Variants in VPS35L observed in about 807,000 individuals in gnomAD.
VPS35L encodes the protein VPS35 endosomal protein sorting factor like.
A neutral mutation model predicts 133.0 loss-of-function variants in VPS35L; 83 were observed. That is an observed-to-expected ratio of 0.62 (90% CI 0.52 to 0.75). The LOEUF (loss-of-function observed/expected upper bound fraction) is 0.75, where lower values mean the gene tolerates loss of function less well. VPS35L is among the 30% of genes least tolerant of loss of function. The pLI is 0.00. For synonymous variants in VPS35L, 423 were observed against 449.9 expected (o/e 0.94, Z 0.76); for missense variants, 1,083 against 1,206.8 (o/e 0.90, Z 1.52).
At chr16:19,700,339 T>C (rs755890689) in intron 30 of VPS35L, 39 bp from the exon 31 acceptor site, 28 of 1,559,056 alleles carry the variant, frequency 1.8e-5, no homozygotes, top group Non-Finnish European at 2.3e-5. Flanking sequence ...CCAAGGATAA[T>C]GAACCAGAAA....
intron 14 of VPS35L, among the ~76,000 whole-genome samples, chr16:19,622,303 C>T (rs776505973): frequency 1.3e-5 from 2 of 151,888 alleles, no homozygotes; most frequent in South Asian, 2.1e-4. Flanking sequence ...CCACCACGCC[C>T]GGCTAATTTT....
chr16:19,664,716 A>G (rs975199109), intron 26 of VPS35L, among the ~76,000 whole-genome samples: 1 of 152,092 alleles, frequency 6.6e-6, no homozygotes, highest in Non-Finnish European at 1.5e-5. Context: ...CTTGCCCAAC[A>G]TGGTGAAACC....
In VPS35L at chr16:19,570,889, A is replaced by ATTTTTTTTTTTT. The variant is rs1489865417; in HGVS notation, c.285+1303_285+1304insTTTTTTTTTTTT. On this transcript the variant is annotated intron_variant, in intron 3 of 30. Coordinates refer to ENST00000417362, the MANE Select transcript of VPS35L (RefSeq NM_020314.7). ...TATATATATATATATATATATATATATTTTTGAGATGAAGTCTCACACTGT... is the reference window on the plus strand; with the variant it reads ...TATATATATATATATATATATATATATTTTTTTTTTTTTTTTTGAGATGAAGTCTCACACTGT... Among the ~76,000 whole-genome samples, 5 of 91,838 alleles carry ATTTTTTTTTTTT rather than the reference A, an allele frequency of 5.4e-5. 1 individual carries two copies. Among genetic ancestry groups the ATTTTTTTTTTTT allele is most frequent in the African/African-American group, 2.3e-4 (5 of 21,370 alleles). 60.2% of individuals were successfully genotyped at this position (91,838 alleles called of 152,430 possible). A position where few individuals can be genotyped will look rare whatever the true frequency, so the allele number is the denominator to read the frequency against.
chr16:19,567,965 G>A (rs1971239507), intron 2 of VPS35L, among the ~76,000 whole-genome samples: 1 of 136,564 alleles, frequency 7.3e-6, no homozygotes, highest in Non-Finnish European at 1.6e-5. Flanking sequence ...GCGAGACCCT[G>A]TCTCCAAAAA....
Position 19,699,680 on chromosome 16 carries a change from C to T in VPS35L, c.2793+32C>T. On this transcript the variant is annotated intron_variant, in intron 30 of 30. Transcript: ENST00000417362. The surrounding 1 kb of genome is among the most constrained non-coding windows in gnomAD (Gnocchi z 4.2). Reference sequence around the variant, plus strand: ...CGCTCGGAGGGCCCCGTGGTATAAGCCCACTGGCCAGTGCACAACCACCCT... The same window carrying T: ...CGCTCGGAGGGCCCCGTGGTATAAGTCCACTGGCCAGTGCACAACCACCCT... The T allele has an allele frequency of 6.2e-7, 1 of 1,609,206 alleles. No individual in the cohort carries two copies. The highest frequency in any genetic ancestry group is 1.1e-5 in the South Asian group (1 of 90,996).
At chr16:19,561,263 A>G (rs557392837) in intron 1 of VPS35L, among the ~76,000 whole-genome samples, 1 of 151,978 alleles carries the variant, frequency 6.6e-6, no homozygotes, top group Non-Finnish European at 1.5e-5. Flanking sequence ...CCCAGCTACT[A>G]GGGAGGCTGA....
chr16:19,687,599 G>A (rs976119600), intron 28 of VPS35L, among the ~76,000 whole-genome samples: 8 of 152,098 alleles, frequency 5.3e-5, no homozygotes, highest in Non-Finnish European at 8.8e-5. Context: ...CCCCATAAAC[G>A]AGCAGTTTAA....
chr16:19,625,107 C>G (rs11648108), intron 14 of VPS35L, among the ~76,000 whole-genome samples: 46,360 of 151,674 alleles, frequency 0.31, 7,207 homozygotes, highest in Middle Eastern at 0.37. Flanking sequence ...TTGGCGGAGG[C>G]GGGGAAAATA....
intron 8 of VPS35L, among the ~76,000 whole-genome samples, chr16:19,595,460 G>A (rs1286976692): frequency 3.3e-5 from 5 of 152,130 alleles, no homozygotes; most frequent in Admixed American, 1.3e-4. Flanking sequence ...TCATTGGTGG[G>A]GAGAGGCTGG....
chr16:19,691,243 C>T (rs747676703), intron 28 of VPS35L, 110 bp from the exon 29 acceptor site: 130 of 850,120 alleles, frequency 1.5e-4, no homozygotes, highest in Non-Finnish European at 2.3e-4. Flanking sequence ...TGCCCTGCCA[C>T]GACTTCCTGC....
intron 5 of VPS35L, among the ~76,000 whole-genome samples, chr16:19,576,511 C>T (rs1196231135): frequency 2.0e-5 from 3 of 152,180 alleles, no homozygotes; most frequent in African/African-American, 4.8e-5. Context: ...CTGGCCCCCA[C>T]TTGCTCAATT....
chr16:19,574,563 A>G (rs1485483069), intron 4 of VPS35L, among the ~76,000 whole-genome samples: 6 of 152,018 alleles, frequency 3.9e-5, no homozygotes, highest in Non-Finnish European at 1.5e-5. Context: ...CATTGAACAG[A>G]ATGATAGGCA....
At position 19,700,245 on chromosome 16, in the gene VPS35L, C is replaced by T. The variant is rs116669310; in HGVS notation, c.2794-133C>T. The T allele has an allele frequency of 1.9e-3, 1,337 of 711,318 alleles. 16 individuals are homozygous for T. In the African/African-American group the frequency reaches 0.021, roughly 11 times the overall value. 44.1% of individuals were successfully genotyped at this position (711,318 alleles called of 1,614,324 possible). ...GAAGTTGAAGACTTTGATTTCTTCC[C>T]TCCTCTCATCCCTCAAAAAACTCAC... On this transcript the variant is annotated intron_variant, in intron 30 of 30. Transcript: ENST00000417362.
chr16:19,622,140 C>CTT (rs60521137), intron 14 of VPS35L, among the ~76,000 whole-genome samples: 2,001 of 107,868 alleles, frequency 0.019, 46 homozygotes, highest in East Asian at 0.038. Context: ...CCATGTATAT[C>CTT]TTTTTTTTTT....
chr16:19,584,734 GCAGTGACTAGT>G (rs1023840136), intron 7 of VPS35L, among the ~76,000 whole-genome samples: 1 of 150,950 alleles, frequency 6.6e-6, no homozygotes, highest in Admixed American at 6.6e-5. Flanking sequence ...AGGCTGGAGT[GCAGTGACTAGT>G]CACAGGCATG....
intron 14 of VPS35L, among the ~76,000 whole-genome samples, chr16:19,618,310 T>C (rs1202772790): frequency 6.6e-6 from 1 of 152,038 alleles, no homozygotes; most frequent in African/African-American, 2.4e-5. Flanking sequence ...TACGAATTTA[T>C]CCTGTAAGTT....
At chr16:19,666,560 C>A (rs773833227) in intron 26 of VPS35L, among the ~76,000 whole-genome samples, 28 of 152,144 alleles carry the variant, frequency 1.8e-4, no homozygotes, top group Non-Finnish European at 3.5e-4. Context: ...CTTTAAATAA[C>A]TGTTTATTTT....
chr16:19,564,919 T>C lies in VPS35L; in HGVS notation c.86T>C (p.Phe29Ser), dbSNP rs751533830. ...CGACTGGAGGCTGTACCATTGGAGT[T>C]TGGGGACTATCACCCTCTGAAACCC... ...SCRLEAVPLE[F>S]GDYHPLKPIT... The change falls in exon 2 of 31, where the codon TTT becomes TCT. Residue 29 changes from phenylalanine to serine, a missense_variant. By Grantham distance (155) the Phe-to-Ser change is radical (BLOSUM62 -2). Transcript: ENST00000417362. The C allele has an allele frequency of 2.3e-4, 379 of 1,613,220 alleles. 1 individual carries two copies. The highest frequency in any genetic ancestry group is 3.0e-4 in the Non-Finnish European group (357 of 1,179,334).
rs116623762 is a variant in VPS35L, at chr16:19,576,424, C to G, written c.433+1302C>G. On this transcript the variant is annotated intron_variant, in intron 5 of 30. Coordinates refer to ENST00000417362, the MANE Select transcript of VPS35L (RefSeq NM_020314.7). ...AGCTTCCTCTCCTAAGACACACAGTCAGAAGCTCTGGACCAGGGTGTCTCA... is the reference window on the plus strand; with the variant it reads ...AGCTTCCTCTCCTAAGACACACAGTGAGAAGCTCTGGACCAGGGTGTCTCA... Among the ~76,000 whole-genome samples the G allele has an allele frequency of 5.5e-3, 837 of 152,280 alleles. 8 individuals are homozygous for G. The highest frequency in any genetic ancestry group is 0.019 in the African/African-American group (807 of 41,544).
Sources: gnomAD v4.1 joint callset for allele counts (sites outside exome capture counted in the v4.1 genomes callset) on GRCh38, gnomAD v4.1.1 for gene constraint, Gnocchi (gnomAD v3.1) non-coding constraint, MANE v1.5 for transcripts, NCBI Gene and HGNC (gene_info 2026-07-23, HGNC 2026-07-21) for gene names.